GPC5: variants seen among roughly 807,000 people sequenced by gnomAD.
The protein encoded by GPC5 is glypican 5.
A neutral mutation model predicts 53.9 loss-of-function variants in GPC5; 47 were observed. The ratio of observed to expected loss-of-function variants is 0.87; its 90% CI spans 0.69 to 1.11. The LOEUF (loss-of-function observed/expected upper bound fraction) is 1.11. Among genes scored for constraint, GPC5 ranks in the 50% most tolerant of loss-of-function variants. The pLI is 0.00. For synonymous variants in GPC5, 286 were observed against 263.3 expected, an observed-to-expected ratio of 1.09 and a Z score of -0.84; for missense variants, 748 against 713.1, an observed-to-expected ratio of 1.05 and a Z score of -0.56.
intron 7 of GPC5, among the ~76,000 whole-genome samples, chr13:92,295,256 T>TC (rs2043026787): frequency 6.6e-6 from 1 of 152,222 alleles, no homozygotes; most frequent in Non-Finnish European, 1.5e-5. Flanking sequence ...TAAATTTCTA[T>TC]CCTGATTTCA....
intron 7 of GPC5, among the ~76,000 whole-genome samples, chr13:92,458,824 G>C (rs1018256715): frequency 6.6e-6 from 1 of 151,892 alleles, no homozygotes; most frequent in Non-Finnish European, 1.5e-5. Flanking sequence ...TCCTTATTAC[G>C]GTCATCATCA....
intron 7 of GPC5, among the ~76,000 whole-genome samples, chr13:92,670,599 T>C (rs1222484490): frequency 6.6e-6 from 1 of 152,176 alleles, no homozygotes; most frequent in African/African-American, 2.4e-5. Context: ...GAGACTGAAC[T>C]AATGGCACAA....
chr13:92,280,146 A>G (rs191637215), intron 7 of GPC5, among the ~76,000 whole-genome samples: 3 of 152,088 alleles, frequency 2.0e-5, no homozygotes, highest in East Asian at 1.9e-4. Context: ...AAATTTTCCA[A>G]TTTGTCTAGA....
At chr13:92,322,064 T>C (rs2043219437) in intron 7 of GPC5, among the ~76,000 whole-genome samples, 1 of 151,968 alleles carries the variant, frequency 6.6e-6, no homozygotes, top group African/African-American at 2.4e-5. Context: ...GCAAAGAAAA[T>C]TAATATATAT....
intron 5 of GPC5, among the ~76,000 whole-genome samples, chr13:91,762,391 C>T (rs763488669): frequency 2.0e-5 from 3 of 151,816 alleles, no homozygotes; most frequent in Non-Finnish European, 4.4e-5. Flanking sequence ...GACCTTACAG[C>T]ATTCAATTAC....
intron 7 of GPC5, among the ~76,000 whole-genome samples, chr13:92,827,765 G>C (rs1877902714): frequency 6.6e-6 from 1 of 152,110 alleles, no homozygotes. Context: ...CAGAGCCTCT[G>C]TAGCACTTAC....
intron 7 of GPC5, among the ~76,000 whole-genome samples, chr13:92,719,120 C>T (rs1594452002): frequency 6.6e-6 from 1 of 151,628 alleles, no homozygotes; most frequent in African/African-American, 2.4e-5. Flanking sequence ...AAAATGTTGT[C>T]TCTAATGACT....
chr13:92,784,877 T>C (rs2138766415), intron 7 of GPC5, among the ~76,000 whole-genome samples: 1 of 152,310 alleles, frequency 6.6e-6, no homozygotes, highest in East Asian at 1.9e-4. Flanking sequence ...AAACATTAAA[T>C]ATGTAACACA....
chr13:92,244,861 A>G (rs1014600747), intron 7 of GPC5, among the ~76,000 whole-genome samples: 4 of 152,064 alleles, frequency 2.6e-5, no homozygotes, highest in African/African-American at 9.7e-5. Flanking sequence ...AACATGGTGA[A>G]ATCCCATCTC....
intron 7 of GPC5, among the ~76,000 whole-genome samples, chr13:92,545,553 T>C (rs1037951824): frequency 1.8e-4 from 27 of 152,188 alleles, no homozygotes; most frequent in African/African-American, 6.0e-4. Context: ...AAAAGTGTTC[T>C]TATTTCTCCA....
chr13:92,695,324 C>T (rs1251710393), intron 7 of GPC5, among the ~76,000 whole-genome samples: 1 of 152,076 alleles, frequency 6.6e-6, no homozygotes, highest in Non-Finnish European at 1.5e-5. Context: ...GATATTAGAC[C>T]TTGCATAGTT....
intron 2 of GPC5, among the ~76,000 whole-genome samples, chr13:91,551,805 T>A (rs2030657064): frequency 6.6e-6 from 1 of 152,120 alleles, no homozygotes; most frequent in Admixed American, 6.6e-5. Context: ...GCAACATTAT[T>A]CATGAAAAAT....
At chr13:91,946,876 C>T (rs571497847) in intron 6 of GPC5, among the ~76,000 whole-genome samples, 2 of 152,248 alleles carry the variant, frequency 1.3e-5, no homozygotes, top group Non-Finnish European at 2.9e-5. Context: ...TCGACTTGTT[C>T]ATTTGAAATT....
intron 7 of GPC5, among the ~76,000 whole-genome samples, chr13:92,358,598 T>A (rs1324501589): frequency 6.6e-6 from 1 of 151,698 alleles, no homozygotes; most frequent in Non-Finnish European, 1.5e-5. Context: ...TTTCCATACA[T>A]CCTCTGAAAT....
intron 7 of GPC5, among the ~76,000 whole-genome samples, chr13:92,761,079 A>G (rs564972118): frequency 5.9e-5 from 9 of 152,234 alleles, no homozygotes; most frequent in Admixed American, 2.6e-4. Context: ...CAAGTGGTCT[A>G]TCTTGTTTTA....
chr13:92,312,813 AT>A (rs2043154174), intron 7 of GPC5, among the ~76,000 whole-genome samples: 1 of 152,036 alleles, frequency 6.6e-6, no homozygotes, highest in East Asian at 1.9e-4. Flanking sequence ...CATTTTTGAA[AT>A]TTTTTTCCAG....
chr13:91,674,390 TACACACACAC>T (rs200655300), intron 2 of GPC5, among the ~76,000 whole-genome samples: 1 of 139,828 alleles, frequency 7.2e-6, no homozygotes, highest in African/African-American at 2.7e-5. Context: ...TATATATATA[TACACACACAC>T]ATATATATAT....
At chr13:92,338,303 G>C (rs1299098432) in intron 7 of GPC5, among the ~76,000 whole-genome samples, 1 of 152,086 alleles carries the variant, frequency 6.6e-6, no homozygotes, top group Admixed American at 6.6e-5. Flanking sequence ...CAAGGATGTG[G>C]AGCAACAGGA....
At chr13:91,647,535 C>T (rs57927413) in intron 2 of GPC5, among the ~76,000 whole-genome samples, 3 of 152,182 alleles carry the variant, frequency 2.0e-5, no homozygotes, top group African/African-American at 7.2e-5. Context: ...TGAGGCCACA[C>T]CTTTCCGTGC....
Sources: allele counts gnomAD v4.1 joint callset (sites outside exome capture counted in the v4.1 genomes callset), GRCh38; gene constraint gnomAD v4.1.1; transcripts MANE v1.5; gene names NCBI Gene and HGNC (gene_info 2026-07-23, HGNC 2026-07-21).